Variants in CUBN observed in about 807,000 individuals in gnomAD.
CUBN encodes cubilin, also known as 460 kDa receptor.
CUBN carries 282 observed loss-of-function variants against 405.3 expected under a neutral mutation model. That is an observed-to-expected ratio of 0.70 (90% CI 0.63 to 0.77). The LOEUF is 0.77. Ranked by LOEUF, CUBN falls within the 30% of genes least tolerant of loss-of-function variation. The probability of loss-of-function intolerance (pLI) is 0.00; values close to 1 mark genes in which losing one functional copy is unlikely to be tolerated. For synonymous variants in CUBN, 1,684 were observed against 1,617.0 expected (o/e 1.04, Z -0.99); for missense variants, 4,514 against 4,475.2 (o/e 1.01, Z -0.25).
At chr10:16,973,065 T>C (rs1173400890) in intron 31 of CUBN, among the ~76,000 whole-genome samples, 5 of 152,296 alleles carry the variant, frequency 3.3e-5, no homozygotes, top group Middle Eastern at 3.4e-3. Flanking sequence ...ATACTACCTA[T>C]AGGATAATTT....
intron 63 of CUBN, 57 bp downstream of exon 63, chr10:16,836,178 C>G: frequency 7.0e-7 from 1 of 1,436,594 alleles, no homozygotes; most frequent in Admixed American, 1.7e-5. Flanking sequence ...AATTATTCTA[C>G]GAATAATGGT....
intron 31 of CUBN, among the ~76,000 whole-genome samples, chr10:16,973,350 A>G (rs1006052500): frequency 6.6e-6 from 1 of 152,092 alleles, no homozygotes; most frequent in African/African-American, 2.4e-5. Flanking sequence ...CCATTTTCAC[A>G]ATGATTCCAG....
At chr10:17,097,118 A>C (rs896984425) in intron 14 of CUBN, among the ~76,000 whole-genome samples, 1 of 152,132 alleles carries the variant, frequency 6.6e-6, no homozygotes, top group African/African-American at 2.4e-5. Flanking sequence ...AAATCAATGA[A>C]ATAAAAATCA....
At chr10:16,837,824 G>C (rs559161805) in intron 62 of CUBN, among the ~76,000 whole-genome samples, 3 of 152,234 alleles carry the variant, frequency 2.0e-5, no homozygotes, top group South Asian at 2.1e-4. Context: ...TATTCATTCA[G>C]TGGAAAACAT....
chr10:17,081,027 A>G (rs890366449), intron 17 of CUBN, among the ~76,000 whole-genome samples: 1 of 150,656 alleles, frequency 6.6e-6, no homozygotes, highest in Admixed American at 6.8e-5. Flanking sequence ...CTAAGAATTA[A>G]CATGTTAATG....
intron 22 of CUBN, among the ~76,000 whole-genome samples, chr10:17,049,627 G>A (rs11254342): frequency 0.022 from 3,398 of 152,168 alleles, 287 homozygotes; most frequent in Admixed American, 0.15. Context: ...CTTCTTTTCT[G>A]TTGCTGGCAC....
chr10:16,888,483 T>G lies in CUBN; in HGVS notation c.8839A>C (p.Thr2947Pro), dbSNP rs1393473435. Reference sequence around the variant, plus strand: ...AGAGGATTAGCCTCTATGACATAGGTGCAATTCATGTTGTTGTCATATTGT... The same window carrying G: ...AGAGGATTAGCCTCTATGACATAGGGGCAATTCATGTTGTTGTCATATTGT... ...PKQYDNNMNC[T>P]YVIEANPLSV... The change falls in exon 56 of 67, where the codon ACC becomes CCC. Residue 2947 changes from threonine to proline, a missense_variant. Physicochemically the swap from Thr to Pro is conservative, Grantham distance 38. Around this residue, in one of 5 missense-constraint regions of CUBN, gnomAD observed 1,186 missense variants for 1,186.9 expected, o/e 1.00. Coordinates refer to ENST00000377833, the MANE Select transcript of CUBN (RefSeq NM_001081.4). The G allele has an allele frequency of 2.5e-6, 4 of 1,612,434 alleles. No individual in the cohort carries two copies. Among genetic ancestry groups the G allele is most frequent in the Non-Finnish European group, 3.4e-6 (4 of 1,178,594 alleles).
intron 27 of CUBN, among the ~76,000 whole-genome samples, chr10:17,021,413 T>C (rs897722757): frequency 1.3e-5 from 2 of 152,228 alleles, no homozygotes; most frequent in African/African-American, 4.8e-5. Context: ...CATTTTCACC[T>C]AATCGCCTTC....
At chr10:16,859,242 A>ACC (rs1353282158) in intron 59 of CUBN, among the ~76,000 whole-genome samples, 1 of 152,232 alleles carries the variant, frequency 6.6e-6, no homozygotes, top group African/African-American at 2.4e-5. Context: ...AGGATCATTG[A>ACC]TTGAGAATAG....
At chr10:16,933,911 T>G (rs540358045) in intron 39 of CUBN, among the ~76,000 whole-genome samples, 3 of 152,344 alleles carry the variant, frequency 2.0e-5, no homozygotes, top group Admixed American at 1.3e-4. Context: ...TGCTGATTGT[T>G]TTCGGCAAAG....
intron 28 of CUBN, among the ~76,000 whole-genome samples, chr10:17,017,087 C>T (rs896630314): frequency 1.3e-5 from 2 of 152,136 alleles, no homozygotes; most frequent in Non-Finnish European, 2.9e-5. Flanking sequence ...GCTTAGGACA[C>T]ATTTCAAGGG....
intron 28 of CUBN, among the ~76,000 whole-genome samples, chr10:17,008,740 T>G (rs1232172662): frequency 6.6e-6 from 1 of 152,092 alleles, no homozygotes; most frequent in East Asian, 1.9e-4. Flanking sequence ...GTGTGCCCGC[T>G]TGGCACTACT....
At chr10:17,079,245 T>TA (rs1480090483) in intron 17 of CUBN, among the ~76,000 whole-genome samples, 1 of 150,590 alleles carries the variant, frequency 6.6e-6, no homozygotes, top group Non-Finnish European at 1.5e-5. Context: ...CTTTTTTTTT[T>TA]TTTTTTTTTA....
At position 16,950,086 on chromosome 10, in the gene CUBN, G is replaced by A. The variant is rs1842889251; in HGVS notation, c.4995C>T (p.Thr1665=). 1 of 1,613,532 alleles carries A rather than the reference G, an allele frequency of 6.2e-7. No homozygotes were observed. The highest frequency in any genetic ancestry group is 1.7e-5 in the Admixed American group (1 of 59,964). The part of the protein sequence containing the change: ...PPLNHITLSF[T]HFELERSTTC... The stretch of plus-strand genomic sequence containing the variant: ...TTGTGCTTCTTTCAAGTTCAAAGTG[G>A]GTAAAAGAGAGGGTGATATGATTTA... Residue 1665 remains threonine, a synonymous_variant, in exon 34 of 67, where the codon ACC becomes ACT. Coordinates refer to ENST00000377833, the MANE Select transcript of CUBN (RefSeq NM_001081.4).
At chr10:16,980,509 C>T (rs1314307824) in intron 31 of CUBN, among the ~76,000 whole-genome samples, 3 of 152,114 alleles carry the variant, frequency 2.0e-5, no homozygotes, top group African/African-American at 7.2e-5. Context: ...TACTTTGTAG[C>T]CATAAAAAAG....
intron 59 of CUBN, among the ~76,000 whole-genome samples, chr10:16,868,774 C>G (rs1206990570): frequency 6.6e-6 from 1 of 152,124 alleles, no homozygotes; most frequent in East Asian, 1.9e-4. Context: ...CCTACCCCCG[C>G]TACATCACCC....
chr10:16,829,342 G>A (rs1177048757), intron 65 of CUBN, among the ~76,000 whole-genome samples: 65 of 121,114 alleles, frequency 5.4e-4, no homozygotes, highest in East Asian at 7.7e-4. Flanking sequence ...GAGCAGAATG[G>A]AAAAAAAAAA....
chr10:16,928,532 C>CCCCTTTTT (rs1403918589), intron 40 of CUBN, among the ~76,000 whole-genome samples: 4 of 107,086 alleles, frequency 3.7e-5, no homozygotes, highest in Admixed American at 1.0e-4. Context: ...CCACCCCCCC[C>CCCCTTTTT]TTTTTTTTTT....
At chr10:16,906,908 C>T (rs1054919081) in intron 49 of CUBN, among the ~76,000 whole-genome samples, 1 of 151,868 alleles carries the variant, frequency 6.6e-6, no homozygotes, top group Non-Finnish European at 1.5e-5. Flanking sequence ...ATATTCACTC[C>T]CACTTCTAAA....
Sources: allele counts gnomAD v4.1 joint callset (sites outside exome capture counted in the v4.1 genomes callset), GRCh38; gene constraint gnomAD v4.1.1; regional missense constraint gnomAD v4.1.1; transcripts MANE v1.5; gene names NCBI Gene and HGNC (gene_info 2026-07-23, HGNC 2026-07-21).